LRP1B: variants seen among roughly 807,000 people sequenced by gnomAD.
LRP1B encodes low-density lipoprotein receptor-related protein 1B.
Under a neutral mutation model 556.6 loss-of-function variants are expected in LRP1B, and 217 were observed. That is an observed-to-expected ratio of 0.39 (90% CI 0.35 to 0.44). The LOEUF is 0.44. Among genes scored for constraint, LRP1B ranks in the 20% least tolerant of loss-of-function variants. LRP1B has a pLI of 1.00. For synonymous variants in LRP1B, 2,047 were observed against 1,865.8 expected, an observed-to-expected ratio of 1.10 and a Z score of -2.50; for missense variants, 5,053 against 5,620.8, an observed-to-expected ratio of 0.90 and a Z score of 3.23.
chr2:140,416,605 G>A (rs566060390), intron 66 of LRP1B, among the ~76,000 whole-genome samples: 6 of 152,088 alleles, frequency 3.9e-5, no homozygotes, highest in South Asian at 4.2e-4. Flanking sequence ...GCATTGAGAC[G>A]TGATCATGCA....
Position 140,503,058 on chromosome 2 carries a change from C to T in LRP1B, c.8567G>A (p.Arg2856Gln), listed in dbSNP as rs777653737. ...GTEEFSCADGRCLLNTQWQCD... is the reference protein window; with the variant it reads ...GTEEFSCADGQCLLNTQWQCD... ...CTGCCATTGAGTATTTAGAAGACAC[C>T]GCCCATCAGCACAACTAAATTCTTC... The change falls in exon 54 of 91, where the codon CGG (arginine) becomes CAG (glutamine). Residue 2856 changes from arginine (R) to glutamine (Q), a missense_variant. By Grantham distance (43) the Arg-to-Gln change is conservative. This residue lies in a region of LRP1B where 3,619 missense variants were observed against 3,931.9 expected (regional missense o/e 0.92). Coordinates refer to ENST00000389484, the MANE Select transcript of LRP1B (RefSeq NM_018557.3). 9 of 1,613,044 alleles carry T rather than the reference C, an allele frequency of 5.6e-6. No individual in the cohort carries two copies. Among genetic ancestry groups the T allele is most frequent in the South Asian group, 4.4e-5 (4 of 91,062 alleles).
chr2:140,822,552 C>T (rs1691363764), intron 31 of LRP1B, among the ~76,000 whole-genome samples: 1 of 152,170 alleles, frequency 6.6e-6, no homozygotes, highest in Admixed American at 6.5e-5. Flanking sequence ...CATTTCAAAG[C>T]AATTAAAGAT....
intron 2 of LRP1B, among the ~76,000 whole-genome samples, chr2:141,765,005 C>G (rs1057371366): frequency 6.6e-6 from 1 of 151,996 alleles, no homozygotes; most frequent in Non-Finnish European, 1.5e-5. Flanking sequence ...ATCCTATTGA[C>G]GATGATAAAA....
In LRP1B at chr2:140,689,667, C is replaced by T. The variant is rs140429734; in HGVS notation, c.6799+10583G>A. On this transcript the variant is annotated intron_variant, in intron 41 of 90. Transcript: ENST00000389484. The stretch of plus-strand genomic sequence containing the variant: ...ATGAATCACTATTCCCAAGTCCACC[C>T]AGCATCTCTATCTTGTGATGGATGT... Among the ~76,000 whole-genome samples the T allele has an allele frequency of 2.5e-3, 375 of 152,318 alleles. 1 individual carries two copies. The highest frequency in any genetic ancestry group is 8.6e-3 in the African/African-American group (357 of 41,570).
intron 3 of LRP1B, among the ~76,000 whole-genome samples, chr2:141,307,651 GT>G (rs1686644872): frequency 6.6e-6 from 1 of 152,106 alleles, no homozygotes; most frequent in African/African-American, 2.4e-5. Flanking sequence ...CTGTTGTGAA[GT>G]TTTTCTGGGG....
At chr2:141,124,510 TC>T (rs1359668295) in intron 7 of LRP1B, among the ~76,000 whole-genome samples, 8 of 152,184 alleles carry the variant, frequency 5.3e-5, no homozygotes, top group Admixed American at 1.3e-4. Flanking sequence ...TCCAAAGTTC[TC>T]CTTTTTCATT....
intron 3 of LRP1B, among the ~76,000 whole-genome samples, chr2:141,261,779 A>G (rs1162158470): frequency 6.6e-6 from 1 of 152,108 alleles, no homozygotes; most frequent in Admixed American, 6.5e-5. Context: ...CACTTTGTTC[A>G]TTCATTTCAC....
At chr2:141,953,781 T>C (rs1205169173) in intron 1 of LRP1B, among the ~76,000 whole-genome samples, 1 of 152,112 alleles carries the variant, frequency 6.6e-6, no homozygotes, top group Non-Finnish European at 1.5e-5. Flanking sequence ...GGCTTATATA[T>C]GCCATTCATT....
At chr2:141,929,063 G>A (rs1173277817) in intron 1 of LRP1B, among the ~76,000 whole-genome samples, 1 of 152,046 alleles carries the variant, frequency 6.6e-6, no homozygotes, top group African/African-American at 2.4e-5. Context: ...TAGGTGTCTG[G>A]CAAGCCACTT....
chr2:140,371,981 T>G (rs1299078398), intron 69 of LRP1B, among the ~76,000 whole-genome samples: 1 of 152,092 alleles, frequency 6.6e-6, no homozygotes, highest in African/African-American at 2.4e-5. Flanking sequence ...TATTTATAAG[T>G]GTATCAGTCA....
chr2:140,340,946 GAATTT>G (rs1291448459), intron 77 of LRP1B, among the ~76,000 whole-genome samples: 31 of 151,480 alleles, frequency 2.0e-4, no homozygotes, highest in Admixed American at 1.5e-3. Context: ...AAAAGGAATT[GAATTT>G]AATAAAGAAA....
intron 23 of LRP1B, among the ~76,000 whole-genome samples, chr2:140,889,436 C>T (rs1202190831): frequency 6.6e-6 from 1 of 152,146 alleles, no homozygotes; most frequent in Non-Finnish European, 1.5e-5. Context: ...GCTGTGATTA[C>T]AGGCATGTGC....
chr2:141,220,718 A>G (rs1683001980), intron 6 of LRP1B, among the ~76,000 whole-genome samples: 1 of 151,604 alleles, frequency 6.6e-6, no homozygotes, highest in Non-Finnish European at 1.5e-5. Flanking sequence ...CAGACCTCTC[A>G]GTGGAAACCC....
At chr2:140,837,623 G>A (rs1017466779) in intron 31 of LRP1B, among the ~76,000 whole-genome samples, 1 of 151,952 alleles carries the variant, frequency 6.6e-6, no homozygotes, top group African/African-American at 2.4e-5. Flanking sequence ...TACTTGGTGA[G>A]TTCATGACCT....
intron 3 of LRP1B, among the ~76,000 whole-genome samples, chr2:141,385,015 T>A (rs561485692): frequency 7.8e-4 from 119 of 152,270 alleles, no homozygotes; most frequent in African/African-American, 2.7e-3. Flanking sequence ...TTATCCTGTG[T>A]CTTTCTAATA....
chr2:140,496,979 C>G (rs1688972671), intron 55 of LRP1B, among the ~76,000 whole-genome samples: 1 of 150,418 alleles, frequency 6.6e-6, no homozygotes, highest in Non-Finnish European at 1.5e-5. Flanking sequence ...ATTGATAAAG[C>G]TATTAGAATG....
At position 141,507,929 on chromosome 2, in the gene LRP1B, A is replaced by G. The variant is rs118150539; in HGVS notation, c.206-27396T>C. Among the ~76,000 whole-genome samples the G allele has an allele frequency of 1.5e-3, 232 of 152,016 alleles. 9 individuals are homozygous for G. In the East Asian group the frequency reaches 0.038, roughly 25 times the overall value. ...GGTGAAACCCCATCTGTCTACTAAA[A>G]ATACTAAAATTAGCTGGGTGTGGTG... On this transcript the variant is annotated intron_variant, in intron 2 of 90. Coordinates refer to ENST00000389484, the MANE Select transcript of LRP1B (RefSeq NM_018557.3).
chr2:141,703,659 G>T (rs1217099422), intron 2 of LRP1B, among the ~76,000 whole-genome samples: 1 of 151,892 alleles, frequency 6.6e-6, no homozygotes, highest in African/African-American at 2.4e-5. Flanking sequence ...TTTCTGAAAT[G>T]AATCCTGCAG....
At chr2:141,041,096 T>C (rs923305097) in intron 11 of LRP1B, among the ~76,000 whole-genome samples, 1 of 152,006 alleles carries the variant, frequency 6.6e-6, no homozygotes, top group Non-Finnish European at 1.5e-5. Flanking sequence ...TAAAGAGTAA[T>C]GTATAATTTT....
Sources: allele counts gnomAD v4.1 joint callset (sites outside exome capture counted in the v4.1 genomes callset), GRCh38; gene constraint gnomAD v4.1.1; regional missense constraint gnomAD v4.1.1; transcripts MANE v1.5; gene names NCBI Gene and HGNC (gene_info 2026-07-23, HGNC 2026-07-21).